ACADL: variants seen among roughly 807,000 people sequenced by gnomAD.
The protein encoded by ACADL is acyl-CoA dehydrogenase long chain.
A neutral mutation model predicts 56.9 loss-of-function variants in ACADL; 60 were observed. The observed-to-expected ratio is 1.05, with a 90% CI of 0.86 to 1.31. The LOEUF is 1.31. Among genes scored for constraint, ACADL ranks in the 50% most tolerant of loss-of-function variants. The pLI is 0.00. For missense variants in ACADL, 484 were observed against 525.5 expected, an observed-to-expected ratio of 0.92 and a Z score of 0.77; for synonymous variants, 158 against 179.7, an observed-to-expected ratio of 0.88 and a Z score of 0.97.
intron 6 of ACADL, among the ~76,000 whole-genome samples, chr2:210,205,382 T>C (rs1040929103): frequency 6.6e-6 from 1 of 152,194 alleles, no homozygotes; most frequent in Non-Finnish European, 1.5e-5. Flanking sequence ...AGATGGCTTG[T>C]TACCATGCAG....
intron 4 of ACADL, among the ~76,000 whole-genome samples, chr2:210,212,889 G>C (rs982147296): frequency 2.0e-5 from 3 of 152,150 alleles, no homozygotes. Context: ...CCTTAGAAAG[G>C]CCTGTTACAA....
Position 210,190,384 on chromosome 2 carries a change from G to A in ACADL, c.1200-1330C>T, listed in dbSNP as rs190965332. Among the ~76,000 whole-genome samples, 61 of 152,040 alleles carry A rather than the reference G, an allele frequency of 4.0e-4. 1 individual carries two copies. Among genetic ancestry groups the A allele is most frequent in the African/African-American group, 1.3e-3 (53 of 41,474 alleles). ...AAGCCTACTTCAGCAGTCCCAATGC[G>A]TTTAGATATATATATATATATTTGT... is the stretch of plus-strand genomic sequence containing the variant. On this transcript the variant is annotated intron_variant, in intron 10 of 10. Transcript: ENST00000233710.
chr2:210,208,532 T>C (rs1688927144), intron 5 of ACADL, among the ~76,000 whole-genome samples: 1 of 152,078 alleles, frequency 6.6e-6, no homozygotes, highest in Admixed American at 6.6e-5. Flanking sequence ...AGGGCCAACA[T>C]TTTTGGGTGG....
intron 10 of ACADL, among the ~76,000 whole-genome samples, chr2:210,192,013 TAAA>T (rs886322340): frequency 2.0e-4 from 30 of 152,208 alleles, no homozygotes; most frequent in African/African-American, 7.2e-4. Context: ...TCATATATGA[TAAA>T]AAGATATATT....
At chr2:210,205,343 C>G (rs1375377294) in intron 6 of ACADL, among the ~76,000 whole-genome samples, 1 of 152,050 alleles carries the variant, frequency 6.6e-6, no homozygotes, top group Non-Finnish European at 1.5e-5. Flanking sequence ...ATTTTTATTT[C>G]ATATTTTTCT....
chr2:210,214,875 A>G (rs1326441914), intron 4 of ACADL, among the ~76,000 whole-genome samples: 1 of 152,224 alleles, frequency 6.6e-6, no homozygotes, highest in Non-Finnish European at 1.5e-5. Context: ...AGAAGTGAAC[A>G]GAAACCTTTA....
intron 8 of ACADL, 149 bp downstream of exon 8, chr2:210,203,182 C>T (rs1358656584): frequency 3.0e-6 from 2 of 671,858 alleles, no homozygotes; most frequent in African/African-American, 1.8e-5. Context: ...CTGTCTTACT[C>T]TCTACTATCT....
At chr2:210,212,149 T>A (rs1415988020) in intron 4 of ACADL, among the ~76,000 whole-genome samples, 1 of 146,736 alleles carries the variant, frequency 6.8e-6, no homozygotes, top group South Asian at 2.2e-4. Context: ...TTTTTTTTTT[T>A]AAATCACTCT....
At chr2:210,197,429 T>C (rs1393553341) in intron 8 of ACADL, among the ~76,000 whole-genome samples, 3 of 152,064 alleles carry the variant, frequency 2.0e-5, no homozygotes, top group Non-Finnish European at 4.4e-5. Context: ...TACCCTTTAA[T>C]CAGCACAAAG....
rs1559639983 is a variant in ACADL, at chr2:210,214,511, A to AAAGAAAGAAAGAAAG, written c.536+1835_536+1836insCTTTCTTTCTTTCTT. 8.4e-5 allele frequency among the ~76,000 whole-genome samples: 12 copies of AAAGAAAGAAAGAAAG among 142,476 alleles called. No homozygotes were observed. In the East Asian group the frequency reaches 1.6e-3, roughly 19 times the overall value. 93.5% of individuals were successfully genotyped at this position (142,476 alleles called of 152,430 possible). A position where few individuals can be genotyped will look rare whatever the true frequency, so the allele number is the denominator to read the frequency against. On this transcript the variant is annotated intron_variant, in intron 4 of 10. Transcript: ENST00000233710. ...AGAAAGAAAGAAAGAAAGAAAGAAA[A>AAAGAAAGAAAGAAAG]AGAAAGAAAGAAAGAAAGAAATCTG...
Position 210,197,283 on chromosome 2 carries a change from TC to T in ACADL, c.985-1946del, listed in dbSNP as rs775926797. On this transcript the variant is annotated intron_variant, in intron 8 of 10. Transcript: ENST00000233710. ...AGCAATGAGAAGGTTGGCACCCCAC[TC>T]CTTCCATCTCTGTATTCTGGCCTCT... Among the ~76,000 whole-genome samples the T allele has an allele frequency of 5.3e-3, 811 of 152,280 alleles. 3 individuals carry two copies. Among genetic ancestry groups the T allele is most frequent in the Non-Finnish European group, 9.5e-3 (646 of 68,024 alleles).
At chr2:210,225,086 G>A (rs1170124105) in intron 1 of ACADL, 101 bp downstream of exon 1, 4 of 1,513,876 alleles carry the variant, frequency 2.6e-6, no homozygotes, top group Admixed American at 2.0e-5. Flanking sequence ...ACTCCCAGCC[G>A]CGCGCGCACC....
At chr2:210,214,509 A>AAGAAAGAAAGAAAGAGAAAG (rs1553690970) in intron 4 of ACADL, among the ~76,000 whole-genome samples, 5 of 18,898 alleles carry the variant, frequency 2.6e-4, no homozygotes, top group African/African-American at 3.3e-4. Context: ...GAAAGAAAGA[A>AAGAAAGAAAGAAAGAGAAAG]AAAGAAAGAA....
intron 1 of ACADL, among the ~76,000 whole-genome samples, chr2:210,224,055 C>CGT (rs1689223692): frequency 6.6e-6 from 1 of 151,604 alleles, no homozygotes; most frequent in Non-Finnish European, 1.5e-5. Context: ...GTGAAACCCC[C>CGT]GTCTCTACTA....
chr2:210,222,423 G>A (rs555660950), intron 1 of ACADL, among the ~76,000 whole-genome samples: 3 of 150,962 alleles, frequency 2.0e-5, no homozygotes, highest in East Asian at 2.0e-4. Context: ...TTGGGAGGCC[G>A]AGGCCTGAGG....
chr2:210,225,392 T>G lies in ACADL; in HGVS notation c.-129A>C. On this transcript the variant is annotated 5_prime_UTR_variant, in exon 1 of 11. Transcript: ENST00000233710. ...CTGTGGTGTCCTCCCAAAAAAGCGC[T>G]CGCGCGCGCCCTTCCGGAGCCCCAA... 9.6e-7 allele frequency: 1 copy of G among 1,046,656 alleles called. No homozygotes were observed. The highest frequency in any genetic ancestry group is 1.3e-6 in the Non-Finnish European group (1 of 743,732). 64.8% of individuals were successfully genotyped at this position (1,046,656 alleles called of 1,614,324 possible).
In ACADL at chr2:210,188,977, A is replaced by G. The variant is rs200346431; in HGVS notation, c.1277T>C (p.Ile426Thr). The change falls in exon 11 of 11, where the codon ATT becomes ACT. Residue 426 changes from isoleucine (I) to threonine (T), a missense_variant. Ile to Thr is a moderately conservative substitution (Grantham distance 89). Transcript: ENST00000233710. The part of the protein sequence containing the change: ...EIMKELIARE[I>T]VFDK ...GGCAGATGTCTACTTGTCAAAGACA[A>G]TCTCTCTTGCAATCAGCTCCTTCAT... is the stretch of plus-strand genomic sequence containing the variant. 5.6e-6 allele frequency: 9 copies of G among 1,613,030 alleles called. No individual in the cohort carries two copies. The East Asian group carries it at 6.7e-5, about 12-fold the overall frequency.
intron 10 of ACADL, 69 bp downstream of exon 10, chr2:210,192,735 G>A: frequency 8.4e-7 from 1 of 1,196,698 alleles, no homozygotes; most frequent in Non-Finnish European, 1.2e-6. Context: ...TACATTTGAT[G>A]TACAAAGTAA....
At chr2:210,197,243 A>G (rs1688725013) in intron 8 of ACADL, among the ~76,000 whole-genome samples, 1 of 152,144 alleles carries the variant, frequency 6.6e-6, no homozygotes, top group Non-Finnish European at 1.5e-5. Flanking sequence ...CTGGCATCGA[A>G]TGATTCCAAA....
Sources: gnomAD v4.1 joint callset for allele counts (sites outside exome capture counted in the v4.1 genomes callset) on GRCh38, gnomAD v4.1.1 for gene constraint, MANE v1.5 for transcripts, NCBI Gene and HGNC (gene_info 2026-07-23, HGNC 2026-07-21) for gene names.